MYO16: variants seen among roughly 807,000 people sequenced by gnomAD.
MYO16 encodes the protein myosin XVI.
A neutral mutation model predicts 205.3 loss-of-function variants in MYO16; 94 were observed. That is an observed-to-expected ratio of 0.46 (90% CI 0.39 to 0.54). MYO16 has a LOEUF of 0.54. Among genes scored for constraint, MYO16 ranks in the 20% least tolerant of loss-of-function variants. The pLI is 0.00. For synonymous variants in MYO16, 988 were observed against 954.0 expected (o/e 1.04, Z -0.66); for missense variants, 2,315 against 2,387.5 (o/e 0.97, Z 0.63).
At chr13:109,135,263 G>A (rs1485288502) in intron 31 of MYO16, among the ~76,000 whole-genome samples, 1 of 152,190 alleles carries the variant, frequency 6.6e-6, no homozygotes, top group Non-Finnish European at 1.5e-5. Context: ...CTGGATGCAT[G>A]TTGCTTATGC....
chr13:108,555,690 C>T, the MYO16 span, among the ~76,000 whole-genome samples: 2 of 152,124 alleles, frequency 1.3e-5, no homozygotes, highest in Non-Finnish European at 1.5e-5. Flanking sequence ...ATCTGTTGAA[C>T]ATATTCTATC....
chr13:108,646,601 C>G (rs920835554), intron 1 of MYO16, among the ~76,000 whole-genome samples: 3 of 152,160 alleles, frequency 2.0e-5, no homozygotes, highest in Non-Finnish European at 4.4e-5. Context: ...TGAAATCTAA[C>G]TTGACCTTCT....
At chr13:108,515,891 G>A in the MYO16 span, among the ~76,000 whole-genome samples, 3 of 69,650 alleles carry the variant, frequency 4.3e-5, no homozygotes, top group Admixed American at 1.5e-4. Flanking sequence ...CTGTCAGACA[G>A]GGACACTTAA....
intron 2 of MYO16, among the ~76,000 whole-genome samples, chr13:108,673,365 CT>C (rs10709309): frequency 0.19 from 25,015 of 134,646 alleles, 2,683 homozygotes; most frequent in African/African-American, 0.31. Flanking sequence ...GTTCTTCTTC[CT>C]TTTTTTTTTT....
chr13:109,120,406 G>A lies in MYO16; in HGVS notation c.3475G>A (p.Ala1159Thr). 6.2e-7 allele frequency: 1 copy of A among 1,608,374 alleles called. No individual in the cohort carries two copies. Among genetic ancestry groups the A allele is most frequent in the Non-Finnish European group, 8.5e-7 (1 of 1,177,614 alleles). ...VRKVFLKYWH[A>T]DQLNDLCLQL... ...AAAAGTGTTTCTAAAATACTGGCAT[G>A]CTGACCAACTCAATGATTTGTGCCT... Residue 1159 changes from alanine to threonine, a missense_variant, in exon 29 of 35, where the codon GCT becomes ACT. Around this residue, in one of 3 missense-constraint regions of MYO16, gnomAD observed 1,097 missense variants for 1,092.0 expected, o/e 1.00. Transcript: ENST00000457511.
chr13:108,647,786 A>T (rs1880819267), intron 1 of MYO16, among the ~76,000 whole-genome samples: 1 of 152,250 alleles, frequency 6.6e-6, no homozygotes, highest in Non-Finnish European at 1.5e-5. Flanking sequence ...AAACAGTATC[A>T]ATGCAAAGTA....
At chr13:108,631,803 C>T (rs769371731) in intron 1 of MYO16, among the ~76,000 whole-genome samples, 2 of 152,148 alleles carry the variant, frequency 1.3e-5, no homozygotes, top group African/African-American at 4.8e-5. Context: ...GAAGGCCGGG[C>T]GTGATGGCTC....
chr13:109,050,148 T>C (rs767143189), intron 24 of MYO16, among the ~76,000 whole-genome samples: 1 of 152,154 alleles, frequency 6.6e-6, no homozygotes, highest in Non-Finnish European at 1.5e-5. Context: ...TTTTACCAAT[T>C]GTCCCACTAA....
chr13:108,569,330 C>G, the MYO16 span, among the ~76,000 whole-genome samples: 1 of 151,972 alleles, frequency 6.6e-6, no homozygotes, highest in African/African-American at 2.4e-5. Context: ...TATTGAATTT[C>G]TTTTAACAAT....
At chr13:108,818,764 A>G (rs946143893) in intron 7 of MYO16, among the ~76,000 whole-genome samples, 8 of 152,338 alleles carry the variant, frequency 5.3e-5, no homozygotes, top group African/African-American at 1.9e-4. Flanking sequence ...AACCAACAAC[A>G]TCATGCCAGC....
At chr13:109,033,466 G>A (rs1886609123) in intron 23 of MYO16, among the ~76,000 whole-genome samples, 1 of 152,166 alleles carries the variant, frequency 6.6e-6, no homozygotes, top group Non-Finnish European at 1.5e-5. Context: ...ACAGTGCTGT[G>A]CAGCATCTAT....
chr13:108,625,683 A>T (rs140432403), upstream of MYO16, among the ~76,000 whole-genome samples: 11 of 152,334 alleles, frequency 7.2e-5, no homozygotes, highest in Admixed American at 2.0e-4. Flanking sequence ...GCCCCAACCT[A>T]TTCACAGGGC....
Position 108,805,434 on chromosome 13 carries a change from A to G in MYO16, c.742-1245A>G, listed in dbSNP as rs967687498. 1.2e-4 allele frequency among the ~76,000 whole-genome samples: 18 copies of G among 152,206 alleles called. 1 individual carries two copies. Among genetic ancestry groups the G allele is most frequent in the Admixed American group, 2.0e-4 (3 of 15,280 alleles). On this transcript the variant is annotated intron_variant, in intron 6 of 34. Coordinates refer to ENST00000457511, the MANE Select transcript of MYO16 (RefSeq NM_001198950.3). The stretch of plus-strand genomic sequence containing the variant: ...TGTTAGATTTTATCAAAATGTACAC[A>G]TTGAATAAGCCTTTTTGACTTTAAT...
chr13:109,049,838 C>G (rs915279673), intron 24 of MYO16, among the ~76,000 whole-genome samples: 2 of 151,698 alleles, frequency 1.3e-5, no homozygotes, highest in Non-Finnish European at 2.9e-5. Flanking sequence ...TTCCCAGATT[C>G]ATTTTTTTCA....
intron 15 of MYO16, among the ~76,000 whole-genome samples, chr13:108,902,840 A>G (rs942898691): frequency 6.6e-6 from 1 of 152,202 alleles, no homozygotes; most frequent in Non-Finnish European, 1.5e-5. Context: ...TTTGCTTTCT[A>G]TGGTTTCAGT....
Position 109,113,252 on chromosome 13 carries a change from T to C in MYO16, c.3439-7118T>C, listed in dbSNP as rs1322912442. Among the ~76,000 whole-genome samples, 4 of 151,662 alleles carry C rather than the reference T, an allele frequency of 2.6e-5. No individual in the cohort carries two copies. In the East Asian group the frequency reaches 7.8e-4, roughly 29 times the overall value. On this transcript the variant is annotated intron_variant, in intron 28 of 34. Transcript: ENST00000457511. ...TAAAATTTTATTAAGAGGCTAGATA[T>C]CAGGCTAAGTGTTCTTACCGCAAAT...
At chr13:108,814,731 A>C (rs1356098695) in intron 7 of MYO16, among the ~76,000 whole-genome samples, 1 of 35,542 alleles carries the variant, frequency 2.8e-5, no homozygotes, top group African/African-American at 3.1e-5. Context: ...TAGGGAATCT[A>C]GCAATAGGGC....
At chr13:109,174,382 A>G (rs192456805) in intron 33 of MYO16, among the ~76,000 whole-genome samples, 1 of 152,220 alleles carries the variant, frequency 6.6e-6, no homozygotes, top group African/African-American at 2.4e-5. Context: ...GTGGTTATTT[A>G]TAGCATCAGA....
intron 22 of MYO16, among the ~76,000 whole-genome samples, chr13:109,016,850 A>G (rs1016533059): frequency 5.3e-5 from 8 of 151,600 alleles, no homozygotes; most frequent in Non-Finnish European, 5.9e-5. Flanking sequence ...TTTTGAGCCT[A>G]TATATGTCTC....
Sources: gnomAD v4.1 joint callset for allele counts (sites outside exome capture counted in the v4.1 genomes callset) on GRCh38, gnomAD v4.1.1 for gene constraint, gnomAD v4.1.1 regional missense constraint, MANE v1.5 for transcripts, NCBI Gene and HGNC (gene_info 2026-07-23, HGNC 2026-07-21) for gene names.